TMEM245: variants seen among roughly 807,000 people sequenced by gnomAD.
TMEM245 encodes the protein protein CG-2.
TMEM245 carries 69 observed loss-of-function variants against 101.2 expected under a neutral mutation model. The ratio of observed to expected loss-of-function variants is 0.68; its 90% CI spans 0.56 to 0.83. The LOEUF is 0.83. TMEM245 is among the 40% of genes least tolerant of loss of function. The probability of loss-of-function intolerance (pLI) is 0.00; values close to 1 mark genes in which losing one functional copy is unlikely to be tolerated. For synonymous variants in TMEM245, 537 were observed against 449.8 expected, an observed-to-expected ratio of 1.19 and a Z score of -2.45; for missense variants, 1,075 against 1,092.8, an observed-to-expected ratio of 0.98 and a Z score of 0.23.
At chr9:109,071,225 T>C (rs1342155543) in intron 9 of TMEM245, among the ~76,000 whole-genome samples, 1 of 152,124 alleles carries the variant, frequency 6.6e-6, no homozygotes, top group East Asian at 1.9e-4. Flanking sequence ...GGTACATGTA[T>C]CATTAGTCCA....
intron 8 of TMEM245, among the ~76,000 whole-genome samples, chr9:109,077,031 GGTGA>G (rs1411129509): frequency 6.6e-6 from 1 of 151,466 alleles, no homozygotes; most frequent in Non-Finnish European, 1.5e-5. Flanking sequence ...TGTTTATTCT[GGTGA>G]GTATTCCATG....
In TMEM245 at chr9:109,018,172, T is replaced by A. The variant is rs1344163909; in HGVS notation, c.*2288A>T. 6.6e-6 allele frequency: 1 copy of A among 152,252 alleles called. No individual in the cohort carries two copies. The highest frequency in any genetic ancestry group is 1.5e-5 in the Non-Finnish European group (1 of 68,046). 9.4% of individuals were successfully genotyped at this position (152,252 alleles called of 1,614,324 possible). A position where few individuals can be genotyped will look rare whatever the true frequency, so the allele number is the denominator to read the frequency against. On this transcript the variant is annotated 3_prime_UTR_variant, in exon 18 of 18. Coordinates refer to ENST00000374586, the MANE Select transcript of TMEM245 (RefSeq NM_032012.4). ...TATACAGCTAAAATCACTTTGTATATGTATAGTAACTCATTGTATATATTT... is the reference window on the plus strand; with the variant it reads ...TATACAGCTAAAATCACTTTGTATAAGTATAGTAACTCATTGTATATATTT...
intron 10 of TMEM245, among the ~76,000 whole-genome samples, chr9:109,063,034 C>T (rs1275954337): frequency 6.6e-6 from 1 of 152,172 alleles, no homozygotes; most frequent in Non-Finnish European, 1.5e-5. Context: ...GCCTGATATG[C>T]CTCTGCATAT....
At chr9:109,086,808 G>A (rs371640658) in intron 6 of TMEM245, among the ~76,000 whole-genome samples, 1 of 152,194 alleles carries the variant, frequency 6.6e-6, no homozygotes, top group Non-Finnish European at 1.5e-5. Flanking sequence ...ACTTAATACA[G>A]TATCTGACAT....
At position 109,119,738 on chromosome 9, in the gene TMEM245, G is replaced by A; in HGVS notation, c.176C>T (p.Ala59Val). The A allele has an allele frequency of 2.0e-6, 3 of 1,533,624 alleles. No homozygotes were observed. The highest frequency in any genetic ancestry group is 1.2e-5 in the South Asian group (1 of 83,006). ...PIKQAFYNTGAVLFVCLCCGA... is the reference protein window; with the variant it reads ...PIKQAFYNTGVVLFVCLCCGA... ...GCAGCACAGGCACACGAACAGCACG[G>A]CCCCGGTGTTGTAGAAGGCCTGCTT... The change falls in exon 1 of 18, where the codon GCC becomes GTC. Residue 59 changes from alanine to valine, a missense_variant. Physicochemically the swap from Ala to Val is moderately conservative, Grantham distance 64 (BLOSUM62 0). Transcript: ENST00000374586.
At chr9:109,026,807 A>C (rs887578514) in intron 17 of TMEM245, among the ~76,000 whole-genome samples, 1 of 151,794 alleles carries the variant, frequency 6.6e-6, no homozygotes, top group African/African-American at 2.4e-5. Flanking sequence ...ATGATAAATG[A>C]GTTTTTGCTC....
chr9:109,036,285 A>G lies in TMEM245; in HGVS notation c.2320T>C (p.Cys774Arg). ...LDLWLTQGLG[C>R]KAILLLIFHL... The stretch of plus-strand genomic sequence containing the variant: ...AAAATCAACAGTAAAATGGCCTTGC[A>G]TCCTAACCCTTGTGTCAGCCACAGG... Residue 774 changes from cysteine to arginine, a missense_variant, in exon 16 of 18, where the codon TGC becomes CGC. Cys to Arg is a radical substitution (Grantham distance 180, BLOSUM62 -3). Coordinates refer to ENST00000374586, the MANE Select transcript of TMEM245 (RefSeq NM_032012.4). 1 of 1,613,994 alleles carries G rather than the reference A, an allele frequency of 6.2e-7. No individual in the cohort carries two copies. Among genetic ancestry groups the G allele is most frequent in the Non-Finnish European group, 8.5e-7 (1 of 1,179,992 alleles).
intron 1 of TMEM245, among the ~76,000 whole-genome samples, chr9:109,110,317 A>G (rs1554728903): frequency 6.6e-6 from 1 of 152,126 alleles, no homozygotes; most frequent in Non-Finnish European, 1.5e-5. Flanking sequence ...TAACCCCACA[A>G]AATAATATTA....
intron 14 of TMEM245, among the ~76,000 whole-genome samples, chr9:109,042,715 G>T (rs1227096894): frequency 6.6e-6 from 1 of 151,476 alleles, no homozygotes; most frequent in Non-Finnish European, 1.5e-5. Flanking sequence ...ACAATTCAGT[G>T]GTTTTTAGTA....
At chr9:109,115,719 G>A (rs1387332519) in intron 1 of TMEM245, among the ~76,000 whole-genome samples, 5 of 151,608 alleles carry the variant, frequency 3.3e-5, no homozygotes, top group South Asian at 2.1e-4. Flanking sequence ...TAGTAGAGAC[G>A]GGGTTTCACC....
rs185483843 is a variant in TMEM245, at chr9:109,065,453, T to C, written c.1533-886A>G. On this transcript the variant is annotated intron_variant, in intron 9 of 17. Coordinates refer to ENST00000374586, the MANE Select transcript of TMEM245 (RefSeq NM_032012.4). ...AAGGAAGTGAAGAAATCAGAAAGAA[T>C]GCAGGAAATGAAGAAGGTGAATCAT... 2.1e-3 allele frequency among the ~76,000 whole-genome samples: 322 copies of C among 152,298 alleles called. 1 individual carries two copies. Among genetic ancestry groups the C allele is most frequent in the Non-Finnish European group, 3.3e-3 (226 of 68,030 alleles).
At chr9:109,050,734 G>GA in intron 12 of TMEM245, 42 bp from the exon 13 acceptor site, 1 of 1,606,858 alleles carries the variant, frequency 6.2e-7, no homozygotes, top group Non-Finnish European at 8.5e-7. Flanking sequence ...CAATCCTCAT[G>GA]AAAAAAGTTT....
At chr9:109,060,946 C>T (rs1043483294) in intron 10 of TMEM245, among the ~76,000 whole-genome samples, 7 of 152,086 alleles carry the variant, frequency 4.6e-5, no homozygotes, top group Admixed American at 2.0e-4. Flanking sequence ...ATCAGACTGG[C>T]CCCGGGTTTG....
At chr9:109,036,159 G>T in intron 16 of TMEM245, 47 bp downstream of exon 16, 1 of 1,421,298 alleles carries the variant, frequency 7.0e-7, no homozygotes, top group Non-Finnish European at 9.3e-7. Flanking sequence ...AAAAAAAACG[G>T]AAATGCCTGG....
chr9:109,042,798 T>G (rs1203247274), intron 14 of TMEM245, among the ~76,000 whole-genome samples: 3 of 151,816 alleles, frequency 2.0e-5, no homozygotes, highest in Non-Finnish European at 4.4e-5. Context: ...TTTTTTTAAC[T>G]TTTCTTCTTT....
At chr9:109,109,614 C>A (rs920445226) in intron 1 of TMEM245, among the ~76,000 whole-genome samples, 1 of 152,062 alleles carries the variant, frequency 6.6e-6, no homozygotes, top group Admixed American at 6.6e-5. Context: ...TAGCTTCTAA[C>A]CTCAGAATTC....
chr9:109,059,283 C>T lies in TMEM245; in HGVS notation c.1722+1071G>A, dbSNP rs550856089. ...TTCAACTCATCCCAAAGCAAGAGTA[C>T]ATAATCCCAAACAAGTCACTAAGCA... is the stretch of plus-strand genomic sequence containing the variant. On this transcript the variant is annotated intron_variant, in intron 11 of 17. Coordinates refer to ENST00000374586, the MANE Select transcript of TMEM245 (RefSeq NM_032012.4). Among the ~76,000 whole-genome samples the T allele has an allele frequency of 2.0e-5, 3 of 152,222 alleles. No individual in the cohort carries two copies. In the East Asian group the frequency reaches 5.8e-4, roughly 29 times the overall value.
chr9:109,103,702 TAG>T (rs1214615525), intron 3 of TMEM245, among the ~76,000 whole-genome samples: 1 of 151,816 alleles, frequency 6.6e-6, no homozygotes, highest in Non-Finnish European at 1.5e-5. Flanking sequence ...AACTCAGAGA[TAG>T]AGAGCAGAAG....
At chr9:109,106,880 G>A (rs140734827) in intron 2 of TMEM245, among the ~76,000 whole-genome samples, 1 of 152,168 alleles carries the variant, frequency 6.6e-6, no homozygotes, top group Non-Finnish European at 1.5e-5. Flanking sequence ...AGAGTCTATT[G>A]TAACGTATAC....
Sources: gnomAD v4.1 joint callset for allele counts (sites outside exome capture counted in the v4.1 genomes callset) on GRCh38, gnomAD v4.1.1 for gene constraint, MANE v1.5 for transcripts, NCBI Gene and HGNC (gene_info 2026-07-23, HGNC 2026-07-21) for gene names.